WDR25: variants seen among roughly 807,000 people sequenced by gnomAD.
WDR25 encodes the protein WD repeat domain 25.
In WDR25, 35 loss-of-function variants were observed where a neutral mutation model predicts 47.7. The observed-to-expected ratio is 0.73, with a 90% CI of 0.56 to 0.97. The LOEUF (loss-of-function observed/expected upper bound fraction) is 0.97, where lower values mean the gene tolerates loss of function less well. Ranked by LOEUF, WDR25 falls within the 50% of genes least tolerant of loss-of-function variation. The probability of loss-of-function intolerance (pLI) is 0.00; values close to 1 mark genes in which losing one functional copy is unlikely to be tolerated. For synonymous variants in WDR25, 248 were observed against 278.9 expected (o/e 0.89, Z 1.10); for missense variants, 634 against 704.7 (o/e 0.90, Z 1.14).
chr14:100,385,833 A>C lies in WDR25; in HGVS notation c.822+4087A>C, dbSNP rs117505562. On this transcript the variant is annotated intron_variant, in intron 2 of 6. Coordinates refer to ENST00000402312, the MANE Select transcript of WDR25 (RefSeq NM_001161476.3). ...AACACCCACTGCACGTAAAGGTAGA[A>C]ATTCAGACTTTGATGCCTTTTTTTG... is the stretch of plus-strand genomic sequence containing the variant. Among the ~76,000 whole-genome samples the C allele has an allele frequency of 1.8e-3, 262 of 149,698 alleles. 1 individual carries two copies. Among genetic ancestry groups the C allele is most frequent in the South Asian group, 8.9e-3 (42 of 4,728 alleles).
intron 4 of WDR25, among the ~76,000 whole-genome samples, chr14:100,496,227 A>G (rs1339405977): frequency 6.6e-6 from 1 of 152,222 alleles, no homozygotes; most frequent in Non-Finnish European, 1.5e-5. Context: ...TTCATGAGTG[A>G]GACTTGGTAG....
At chr14:100,438,586 G>A (rs1898570902) in intron 2 of WDR25, among the ~76,000 whole-genome samples, 1 of 152,156 alleles carries the variant, frequency 6.6e-6, no homozygotes, top group Non-Finnish European at 1.5e-5. Flanking sequence ...GGTGGCTATG[G>A]GGAGCTGAGC....
chr14:100,418,945 C>T lies in WDR25; in HGVS notation c.822+37199C>T, dbSNP rs148422018. Among the ~76,000 whole-genome samples, 43 of 152,124 alleles carry T rather than the reference C, an allele frequency of 2.8e-4. 1 individual carries two copies. Among genetic ancestry groups the T allele is most frequent in the African/African-American group, 9.4e-4 (39 of 41,506 alleles). ...AAGTAAGTTCTATTTCTAGGCCGGG[C>T]GTGGTGGCTCACGCCTGTAATCCTA... On this transcript the variant is annotated intron_variant, in intron 2 of 6. Transcript: ENST00000402312.
At chr14:100,390,726 C>T (rs556086926) in intron 2 of WDR25, among the ~76,000 whole-genome samples, 1 of 152,118 alleles carries the variant, frequency 6.6e-6, no homozygotes, top group East Asian at 1.9e-4. Context: ...ACATCTTTTC[C>T]CACCAGTGTG....
intron 2 of WDR25, among the ~76,000 whole-genome samples, chr14:100,389,195 G>T (rs1438170810): frequency 6.6e-6 from 1 of 152,170 alleles, no homozygotes; most frequent in East Asian, 1.9e-4. Flanking sequence ...GAAATTAAAA[G>T]ATAAACCATA....
chr14:100,521,004 T>C (rs532199422), intron 4 of WDR25, among the ~76,000 whole-genome samples: 37 of 152,338 alleles, frequency 2.4e-4, no homozygotes, highest in African/African-American at 8.4e-4. Flanking sequence ...GATTGCTTTT[T>C]AAGTTAATTT....
chr14:100,395,972 G>GTTTTTT (rs575737706), intron 2 of WDR25, among the ~76,000 whole-genome samples: 34 of 117,258 alleles, frequency 2.9e-4, no homozygotes, highest in African/African-American at 7.5e-4. Flanking sequence ...TCTGTGAAAT[G>GTTTTTT]TTTTTTTTTT....
intron 2 of WDR25, among the ~76,000 whole-genome samples, chr14:100,423,892 G>C (rs1007353482): frequency 6.6e-6 from 1 of 152,210 alleles, no homozygotes; most frequent in Non-Finnish European, 1.5e-5. Flanking sequence ...GATTGTGTGG[G>C]TGCAGCGTGT....
rs902995538 is a variant in WDR25, at chr14:100,524,353, G to A, written c.1102-1517G>A. 2.4e-4 allele frequency among the ~76,000 whole-genome samples: 36 copies of A among 152,238 alleles called. No individual in the cohort carries two copies. The East Asian group carries it at 3.9e-3, about 16-fold the overall frequency. Reference sequence around the variant, plus strand: ...CACTCAGCGAGTGGCAGGGAGGGCCGTCATCTTCCTCATCCTTTCCCTGGG... The same window carrying A: ...CACTCAGCGAGTGGCAGGGAGGGCCATCATCTTCCTCATCCTTTCCCTGGG... On this transcript the variant is annotated intron_variant, in intron 4 of 6. Coordinates refer to ENST00000402312, the MANE Select transcript of WDR25 (RefSeq NM_001161476.3).
Position 100,525,846 on chromosome 14 carries a change from C to G in WDR25, c.1102-24C>G. The G allele has an allele frequency of 6.2e-7, 1 of 1,610,212 alleles. No individual in the cohort carries two copies. Among genetic ancestry groups the G allele is most frequent in the Non-Finnish European group, 8.5e-7 (1 of 1,177,280 alleles). Reference sequence around the variant, plus strand: ...CTGTCCGTGCTGCCAGGCCTGCCAGCATGACCGGTGTCCGCTCTTGCAGGT... The same window carrying G: ...CTGTCCGTGCTGCCAGGCCTGCCAGGATGACCGGTGTCCGCTCTTGCAGGT... On this transcript the variant is annotated intron_variant, in intron 4 of 6. Coordinates refer to ENST00000402312, the MANE Select transcript of WDR25 (RefSeq NM_001161476.3). This position sits in a 1 kb window ranked among gnomAD's most constrained non-coding sequence, Gnocchi z 4.6.
At position 100,523,686 on chromosome 14, in the gene WDR25, T is replaced by G. The variant is rs2029970926; in HGVS notation, c.1102-2184T>G. 6.6e-6 allele frequency among the ~76,000 whole-genome samples: 1 copy of G among 152,122 alleles called. No individual in the cohort carries two copies. The highest frequency in any genetic ancestry group is 2.1e-4 in the South Asian group (1 of 4,824). On this transcript the variant is annotated intron_variant, in intron 4 of 6. Transcript: ENST00000402312. This position sits in a 1 kb window ranked among gnomAD's most constrained non-coding sequence, Gnocchi z 4.7. Reference sequence around the variant, plus strand: ...GCAGCGGCCCAGCATCCCCCAGGTTTGCTGGTGGGCCGAGTGGTGGGCAGA... The same window carrying G: ...GCAGCGGCCCAGCATCCCCCAGGTTGGCTGGTGGGCCGAGTGGTGGGCAGA...
chr14:100,377,073 A>T (rs1896711768), intron 1 of WDR25, among the ~76,000 whole-genome samples: 1 of 151,940 alleles, frequency 6.6e-6, no homozygotes, highest in African/African-American at 2.4e-5. Context: ...TTAATCCCTC[A>T]TCTCCTTCCA....
intron 4 of WDR25, among the ~76,000 whole-genome samples, chr14:100,494,812 G>A (rs557411256): frequency 6.6e-6 from 1 of 152,312 alleles, no homozygotes; most frequent in Non-Finnish European, 1.5e-5. Context: ...CCCAAGGTCA[G>A]CTAGGCTGTG....
intron 2 of WDR25, among the ~76,000 whole-genome samples, chr14:100,400,323 C>T (rs964469335): frequency 6.6e-6 from 1 of 152,190 alleles, no homozygotes; most frequent in Non-Finnish European, 1.5e-5. Context: ...GTGGTCCCCT[C>T]GGAGGGCTGT....
intron 2 of WDR25, among the ~76,000 whole-genome samples, chr14:100,444,030 G>C (rs1480935447): frequency 6.6e-6 from 1 of 152,198 alleles, no homozygotes; most frequent in Non-Finnish European, 1.5e-5. Context: ...CTAGACACCA[G>C]GAGCCCAGCC....
At chr14:100,495,797 A>C (rs1900711021) in intron 4 of WDR25, among the ~76,000 whole-genome samples, 1 of 152,190 alleles carries the variant, frequency 6.6e-6, no homozygotes, top group South Asian at 2.1e-4. Flanking sequence ...ATTAACAGGA[A>C]GTCTTCTGCT....
chr14:100,476,019 T>G (rs1900004345), intron 3 of WDR25, among the ~76,000 whole-genome samples: 1 of 152,206 alleles, frequency 6.6e-6, no homozygotes, highest in African/African-American at 2.4e-5. Flanking sequence ...CTACTACTAT[T>G]TCTTCTGTTA....
rs1420350575 is a variant in WDR25 at position 100,502,644 on chromosome 14, G to A, written c.1101+18520G>A. Among the ~76,000 whole-genome samples, 3 of 152,222 alleles carry A rather than the reference G, an allele frequency of 2.0e-5. No individual in the cohort carries two copies. Among genetic ancestry groups the A allele is most frequent in the African/African-American group, 7.2e-5 (3 of 41,474 alleles). On this transcript the variant is annotated intron_variant, in intron 4 of 6. Coordinates refer to ENST00000402312, the MANE Select transcript of WDR25 (RefSeq NM_001161476.3). This position sits in a 1 kb window ranked among gnomAD's most constrained non-coding sequence, Gnocchi z 4.5. ...TGCATGGCCAAGTGGCCACGGCGTG[G>A]GGGAACATGAGGTCCCTCCCTGCAT...
In WDR25 at chr14:100,381,480, G is replaced by A. The variant is rs757073708; in HGVS notation, c.556G>A (p.Ala186Thr). The change falls in exon 2 of 7, where the codon GCA (alanine) becomes ACA (threonine). Residue 186 changes from alanine (A) to threonine (T), a missense_variant. Ala to Thr is a moderately conservative substitution (Grantham distance 58). Transcript: ENST00000402312. Reference sequence around the variant, plus strand: ...TCCCAGAAGACTAAGACAGCGGCAGGCATTAAGCACGGAGACAGGCAAGGG... The same window carrying A: ...TCCCAGAAGACTAAGACAGCGGCAGACATTAAGCACGGAGACAGGCAAGGG... ...YTPRRLRQRQ[A>T]LSTETGKGKD... 1 of 1,614,188 alleles carries A rather than the reference G, an allele frequency of 6.2e-7. No homozygotes were observed. Among genetic ancestry groups the A allele is most frequent in the South Asian group, 1.1e-5 (1 of 91,088 alleles).
Sources: allele counts gnomAD v4.1 joint callset (sites outside exome capture counted in the v4.1 genomes callset), GRCh38; gene constraint gnomAD v4.1.1; non-coding constraint Gnocchi (gnomAD v3.1); transcripts MANE v1.5; gene names NCBI Gene and HGNC (gene_info 2026-07-23, HGNC 2026-07-21).